TAF2: variants seen among roughly 807,000 people sequenced by gnomAD.
TAF2 encodes the protein transcription initiation factor TFIID subunit 2.
TAF2 carries 61 observed loss-of-function variants against 138.5 expected under a neutral mutation model. The observed-to-expected ratio is 0.44, with a 90% confidence interval of 0.36 to 0.54. TAF2 has a LOEUF of 0.54. Ranked by LOEUF, TAF2 falls within the 20% of genes least tolerant of loss-of-function variation. The pLI is 0.00. For synonymous variants in TAF2, 475 were observed against 469.9 expected (o/e 1.01, Z -0.14); for missense variants, 1,090 against 1,427.9 (o/e 0.76, Z 3.81).
At chr8:119,733,231 A>T (rs1318743569) in intron 25 of TAF2, among the ~76,000 whole-genome samples, 1 of 152,200 alleles carries the variant, frequency 6.6e-6, no homozygotes, top group East Asian at 1.9e-4. Context: ...ATCTCAGTGA[A>T]AATCAAACAT....
intron 18 of TAF2, 42 bp downstream of exon 18, chr8:119,777,977 A>G: frequency 9.4e-7 from 1 of 1,063,586 alleles, no homozygotes; most frequent in Non-Finnish European, 1.4e-6. Flanking sequence ...AAAATTATCT[A>G]AGACAACTGT....
At chr8:119,828,019 A>C (rs954300677) in intron 2 of TAF2, among the ~76,000 whole-genome samples, 5 of 152,140 alleles carry the variant, frequency 3.3e-5, no homozygotes, top group African/African-American at 1.2e-4. Flanking sequence ...CTGGGATTAC[A>C]AGCGTGAGCC....
chr8:119,789,406 C>T (rs565423652), intron 12 of TAF2, among the ~76,000 whole-genome samples, 186 bp downstream of exon 12: 19 of 152,162 alleles, frequency 1.2e-4, no homozygotes, highest in African/African-American at 4.1e-4. Context: ...TGTGTGTGCA[C>T]CTTAATGTCT....
rs1236945750 is a variant in TAF2 at position 119,797,981 on chromosome 8, A to C, written c.793-135T>G. On this transcript the variant is annotated intron_variant, in intron 6 of 25. Transcript: ENST00000378164. ...AATAATTTCAAGATGCTGAAAGAAA[A>C]TGTTGTGAAAATAGTGATCACTTTT... 6.8e-6 allele frequency: 6 copies of C among 883,530 alleles called. No homozygotes were observed. The African/African-American group carries it at 8.5e-5, about 12-fold the overall frequency. 54.7% of individuals were successfully genotyped at this position (883,530 alleles called of 1,614,324 possible).
Position 119,795,505 on chromosome 8 carries a change from G to C in TAF2, c.1191+27C>G, listed in dbSNP as rs375738004. 8.3e-6 allele frequency: 13 copies of C among 1,565,478 alleles called. No individual in the cohort carries two copies. In the African/African-American group the frequency reaches 1.4e-4, roughly 16 times the overall value. On this transcript the variant is annotated intron_variant, in intron 9 of 25. Transcript: ENST00000378164. Reference sequence around the variant, plus strand: ...AAAATGGAGGACATAAGACTTGTAAGTGGATAAGGGATCTAGCTGTTATTA... The same window carrying C: ...AAAATGGAGGACATAAGACTTGTAACTGGATAAGGGATCTAGCTGTTATTA...
chr8:119,742,487 A>G, intron 25 of TAF2, 47 bp downstream of exon 25: 1 of 1,597,810 alleles, frequency 6.3e-7, no homozygotes, highest in Non-Finnish European at 8.5e-7. Flanking sequence ...ACATTTATAG[A>G]TTTGTTCTTG....
chr8:119,744,217 T>G, intron 24 of TAF2, 71 bp downstream of exon 24: 1 of 1,301,226 alleles, frequency 7.7e-7, no homozygotes, highest in African/African-American at 1.5e-5. Flanking sequence ...GAAAATAAAG[T>G]AACACACATT....
rs1261989001 is a variant in TAF2, at chr8:119,811,175, G to A, written c.300-4774C>T. ...ACTTAAAGAGAAGAAATGCTATAGA[G>A]AGATATTGAAAAATTAGTAAATTAA... On this transcript the variant is annotated intron_variant, in intron 3 of 25. Transcript: ENST00000378164. Among the ~76,000 whole-genome samples the A allele has an allele frequency of 2.6e-5, 4 of 152,042 alleles. No homozygotes were observed. The South Asian group carries it at 6.2e-4, about 24-fold the overall frequency.
At chr8:119,799,888 T>C (rs1330366884) in intron 6 of TAF2, among the ~76,000 whole-genome samples, 2 of 152,228 alleles carry the variant, frequency 1.3e-5, no homozygotes, top group African/African-American at 4.8e-5. Flanking sequence ...TGATTTGCAT[T>C]TCTCTGATGG....
chr8:119,809,045 G>A (rs1348992795), intron 3 of TAF2, among the ~76,000 whole-genome samples: 1 of 152,206 alleles, frequency 6.6e-6, no homozygotes, highest in African/African-American at 2.4e-5. Flanking sequence ...GCCAGGCACT[G>A]ACTTCTTTTT....
intron 2 of TAF2, among the ~76,000 whole-genome samples, chr8:119,827,465 T>C (rs932294141): frequency 1.3e-5 from 2 of 152,202 alleles, no homozygotes; most frequent in African/African-American, 4.8e-5. Flanking sequence ...TATAAATCTT[T>C]CCTCTCAAAC....
chr8:119,801,671 GC>G, intron 6 of TAF2, 122 bp downstream of exon 6: 1 of 863,216 alleles, frequency 1.2e-6, no homozygotes, highest in Non-Finnish European at 1.9e-6. Context: ...CCTGTGATCC[GC>G]CCACCTTGGC....
Position 119,762,584 on chromosome 8 carries a change from C to T in TAF2, c.2389G>A (p.Glu797Lys). 6.2e-7 allele frequency: 1 copy of T among 1,613,194 alleles called. No homozygotes were observed. Among genetic ancestry groups the T allele is most frequent in the Non-Finnish European group, 8.5e-7 (1 of 1,179,560 alleles). The change falls in exon 19 of 26, where the codon GAA becomes AAA. Residue 797 changes from glutamate to lysine, a missense_variant. Glu to Lys is a moderately conservative substitution (Grantham distance 56). Around this residue, in one of 3 missense-constraint regions of TAF2, gnomAD observed 580 missense variants for 719.6 expected, o/e 0.81. Transcript: ENST00000378164. ...GAGTTGGCCAGGGCATCAATCATTTCTGCACGATAATAGTTATCTGAAAAC... is the reference window on the plus strand; with the variant it reads ...GAGTTGGCCAGGGCATCAATCATTTTTGCACGATAATAGTTATCTGAAAAC... ...NKFSDNYYRA[E>K]MIDALANSVT...
chr8:119,745,794 AATGTGTGTGTGTGTGT>A (rs1372157591), intron 23 of TAF2, among the ~76,000 whole-genome samples: 9 of 119,406 alleles, frequency 7.5e-5, no homozygotes, highest in African/African-American at 2.5e-4. Context: ...AAGGCAAACG[AATGTGTGTGTGTGTGT>A]GTGTGTGTGT....
chr8:119,751,663 C>T (rs1268123727), intron 22 of TAF2, among the ~76,000 whole-genome samples: 1 of 151,888 alleles, frequency 6.6e-6, no homozygotes, highest in Non-Finnish European at 1.5e-5. Context: ...GAAAACATAG[C>T]ATAGTAACAA....
intron 18 of TAF2, among the ~76,000 whole-genome samples, chr8:119,768,338 T>C (rs1450593189): frequency 6.6e-6 from 1 of 152,182 alleles, no homozygotes; most frequent in Non-Finnish European, 1.5e-5. Flanking sequence ...TTTGTACCCC[T>C]TTACCATGAA....
intron 24 of TAF2, among the ~76,000 whole-genome samples, chr8:119,743,915 G>A (rs1335956220): frequency 6.6e-6 from 1 of 151,990 alleles, no homozygotes; most frequent in African/African-American, 2.4e-5. Flanking sequence ...TATGAGATAG[G>A]CAGGCAAAAA....
chr8:119,755,758 C>A (rs1563833252), intron 22 of TAF2, among the ~76,000 whole-genome samples: 1 of 152,046 alleles, frequency 6.6e-6, no homozygotes, highest in Non-Finnish European at 1.5e-5. Context: ...GTTTATAGCA[C>A]CTTAACCATT....
At chr8:119,764,018 A>G (rs951595925) in intron 18 of TAF2, among the ~76,000 whole-genome samples, 4 of 148,226 alleles carry the variant, frequency 2.7e-5, no homozygotes, top group South Asian at 2.1e-4. Flanking sequence ...GTGTGGTGGC[A>G]CACGCCTATA....
Sources: gnomAD v4.1 joint callset for allele counts (sites outside exome capture counted in the v4.1 genomes callset) on GRCh38, gnomAD v4.1.1 for gene constraint, gnomAD v4.1.1 regional missense constraint, MANE v1.5 for transcripts, NCBI Gene and HGNC (gene_info 2026-07-23, HGNC 2026-07-21) for gene names.